Variants in FAM117B observed in about 807,000 individuals in gnomAD.
The protein encoded by FAM117B is family with sequence similarity 117 member B.
FAM117B carries 22 observed loss-of-function variants against 52.8 expected under a neutral mutation model. The observed-to-expected ratio is 0.42, with a 90% CI of 0.30 to 0.59. The LOEUF (loss-of-function observed/expected upper bound fraction) is 0.59, where lower values mean the gene tolerates loss of function less well. FAM117B is among the 20% of genes least tolerant of loss of function. The pLI is 0.22. For synonymous variants in FAM117B, 309 were observed against 324.1 expected, an observed-to-expected ratio of 0.95 and a Z score of 0.50; for missense variants, 678 against 802.6, an observed-to-expected ratio of 0.84 and a Z score of 1.88.
intron 2 of FAM117B, among the ~76,000 whole-genome samples, chr2:202,717,003 T>C (rs1451298610): frequency 5.9e-5 from 9 of 152,252 alleles, no homozygotes; most frequent in Admixed American, 5.9e-4. Context: ...TCTGTTTCTC[T>C]AGCATTGGTC....
chr2:202,635,880 C>T, intron 1 of FAM117B, 92 bp downstream of exon 1: 3 of 1,222,650 alleles, frequency 2.5e-6, no homozygotes, highest in East Asian at 3.4e-5. Context: ...GCAGAGCTGC[C>T]GCGGAGCCCG....
At chr2:202,713,078 T>G (rs1690982924) in intron 2 of FAM117B, among the ~76,000 whole-genome samples, 1 of 152,188 alleles carries the variant, frequency 6.6e-6, no homozygotes. Flanking sequence ...CTCCTCTGTT[T>G]TTCAGAATAG....
At chr2:202,735,179 G>A (rs901509384) in intron 4 of FAM117B, among the ~76,000 whole-genome samples, 3 of 151,940 alleles carry the variant, frequency 2.0e-5, no homozygotes, top group Admixed American at 6.6e-5. Flanking sequence ...GGTCCATTTT[G>A]TGTGTGTGTG....
chr2:202,674,028 C>T (rs193175885), intron 1 of FAM117B, among the ~76,000 whole-genome samples: 1 of 152,058 alleles, frequency 6.6e-6, no homozygotes, highest in African/African-American at 2.4e-5. Flanking sequence ...TCCCTGCACC[C>T]CCCCCACCTC....
chr2:202,713,175 G>C (rs1369181837), intron 2 of FAM117B, among the ~76,000 whole-genome samples: 1 of 152,038 alleles, frequency 6.6e-6, no homozygotes. Context: ...TTCTTTGCCG[G>C]GGTGCTTTTT....
chr2:202,695,211 A>C (rs144255325), intron 1 of FAM117B, among the ~76,000 whole-genome samples: 347 of 152,000 alleles, frequency 2.3e-3, no homozygotes, highest in African/African-American at 7.4e-3. Flanking sequence ...TATTGCGTGT[A>C]TGAGTAGCTT....
At chr2:202,707,234 A>C (rs2105780806) in intron 2 of FAM117B, among the ~76,000 whole-genome samples, 1 of 147,926 alleles carries the variant, frequency 6.8e-6, no homozygotes, top group South Asian at 2.2e-4. Flanking sequence ...TTTTTTGTAG[A>C]GATGCGGGCC....
At chr2:202,666,520 A>T (rs1690206520) in intron 1 of FAM117B, among the ~76,000 whole-genome samples, 1 of 151,880 alleles carries the variant, frequency 6.6e-6, no homozygotes, top group African/African-American at 2.4e-5. Flanking sequence ...GTATCTGAGC[A>T]TGTACTATGT....
chr2:202,694,967 G>T (rs768664174), intron 1 of FAM117B, among the ~76,000 whole-genome samples: 5 of 152,092 alleles, frequency 3.3e-5, no homozygotes, highest in African/African-American at 7.2e-5. Context: ...ATTTTCCCAT[G>T]ATAATTACCT....
chr2:202,711,230 C>T lies in FAM117B; in HGVS notation c.754-13687C>T, dbSNP rs112808827. ...ATCCTTGCCAGTATTTGTTATTGCC[C>T]GGCTTTTGGATAAAAACCATTTTAA... is the stretch of plus-strand genomic sequence containing the variant. On this transcript the variant is annotated intron_variant, in intron 2 of 7. Transcript: ENST00000392238. Among the ~76,000 whole-genome samples, 66 of 152,030 alleles carry T rather than the reference C, an allele frequency of 4.3e-4. 1 individual carries two copies. The highest frequency in any genetic ancestry group is 8.5e-4 in the Admixed American group (13 of 15,276).
intron 1 of FAM117B, among the ~76,000 whole-genome samples, chr2:202,638,190 C>T (rs978559199): frequency 5.3e-5 from 8 of 152,176 alleles, no homozygotes; most frequent in Non-Finnish European, 8.8e-5. Context: ...AGTTAAGTAA[C>T]TCTTACAGAT....
intron 2 of FAM117B, among the ~76,000 whole-genome samples, chr2:202,698,287 C>G (rs945337567): frequency 1.3e-5 from 2 of 152,332 alleles, no homozygotes; most frequent in South Asian, 4.1e-4. Flanking sequence ...TTCTGATAAT[C>G]TTGAAACGGA....
At chr2:202,642,694 G>A (rs1689789692) in intron 1 of FAM117B, among the ~76,000 whole-genome samples, 1 of 152,106 alleles carries the variant, frequency 6.6e-6, no homozygotes, top group African/African-American at 2.4e-5. Context: ...TTGAACTTGG[G>A]GGTAAAAATT....
intron 5 of FAM117B, 76 bp from the exon 6 acceptor site, chr2:202,757,137 A>C: frequency 7.3e-7 from 1 of 1,376,184 alleles, no homozygotes; most frequent in Non-Finnish European, 1.0e-6. Flanking sequence ...CTATATGGGA[A>C]GGTTGACATT....
chr2:202,698,319 A>G lies in FAM117B; in HGVS notation c.753+2287A>G, dbSNP rs543170145. 7.2e-5 allele frequency among the ~76,000 whole-genome samples: 11 copies of G among 152,322 alleles called. 1 individual carries two copies. In the East Asian group the frequency reaches 9.6e-4, roughly 13 times the overall value. ...CGGAATCCTACTGTTAGGGCAGACA[A>G]TTGGGATTTGGATTACCTTGGTGTT... On this transcript the variant is annotated intron_variant, in intron 2 of 7. Transcript: ENST00000392238.
Position 202,757,345 on chromosome 2 carries a change from G to A in FAM117B, c.1237G>A (p.Val413Met), listed in dbSNP as rs777827825. ...GSNNSSRSQS[V>M]SPTSFLTISN... ...CAACAACAGCAGCCGTTCCCAGTCC[G>A]TGTCCCCAACATCGTTCCTCACCAT... The change falls in exon 6 of 8, where the codon GTG (valine) becomes ATG (methionine). Residue 413 changes from valine (V) to methionine (M), a missense_variant. Coordinates refer to ENST00000392238, the MANE Select transcript of FAM117B (RefSeq NM_173511.4). 25 of 1,613,970 alleles carry A rather than the reference G, an allele frequency of 1.5e-5. No homozygotes were observed. Among genetic ancestry groups the A allele is most frequent in the Non-Finnish European group, 2.0e-5 (24 of 1,180,040 alleles).
intron 4 of FAM117B, among the ~76,000 whole-genome samples, chr2:202,754,805 G>A (rs1321828231): frequency 4.9e-5 from 7 of 142,324 alleles, no homozygotes; most frequent in African/African-American, 7.7e-5. Context: ...CAGAAGAGTC[G>A]CTTGAACATG....
intron 7 of FAM117B, among the ~76,000 whole-genome samples, chr2:202,764,944 C>T (rs1691953407): frequency 6.6e-6 from 1 of 152,148 alleles, no homozygotes; most frequent in African/African-American, 2.4e-5. Flanking sequence ...TAGTTTTAGT[C>T]ATGCAGTGGT....
chr2:202,682,976 A>G (rs1232962658), intron 1 of FAM117B, among the ~76,000 whole-genome samples: 1 of 152,238 alleles, frequency 6.6e-6, no homozygotes, highest in Non-Finnish European at 1.5e-5. Flanking sequence ...AAGAGAACTA[A>G]TTAAACCCAA....
Sources: allele counts gnomAD v4.1 joint callset (sites outside exome capture counted in the v4.1 genomes callset), GRCh38; gene constraint gnomAD v4.1.1; transcripts MANE v1.5; gene names NCBI Gene and HGNC (gene_info 2026-07-23, HGNC 2026-07-21).